The following AFF2 variants were observed in gnomAD, a reference collection of about 807,000 sequenced individuals.
AFF2 encodes AF4/FMR2 family member 2.
AFF2 carries 14 observed loss-of-function variants against 76.9 expected under a neutral mutation model. The observed-to-expected ratio is 0.18, with a 90% CI of 0.12 to 0.28. The LOEUF is 0.28. Among genes scored for constraint, AFF2 ranks in the 10% least tolerant of loss-of-function variants. The pLI, the probability that AFF2 is intolerant of heterozygous loss-of-function variation, is 1.00. For missense variants in AFF2, 868 were observed against 1,001.1 expected, an observed-to-expected ratio of 0.87 and a Z score of 1.79; for synonymous variants, 398 against 366.7, an observed-to-expected ratio of 1.09 and a Z score of -0.98.
intron 3 of AFF2, among the ~76,000 whole-genome samples, chrX:148,663,339 A>G (rs2054326849): frequency 8.9e-6 from 1 of 112,338 alleles, no homozygotes; most frequent in South Asian, 3.7e-4. Context: ...TCCCTTCTGC[A>G]TCTCCTTCCT....
At chrX:148,697,268 G>A (rs1344903776) in intron 3 of AFF2, among the ~76,000 whole-genome samples, 1 of 112,305 alleles carries the variant, frequency 8.9e-6, no homozygotes, top group Non-Finnish European at 1.9e-5. Flanking sequence ...TATGGATGAA[G>A]TTATAATATA....
At chrX:148,949,122 C>G (rs2071935339) in intron 9 of AFF2, among the ~76,000 whole-genome samples, 3 of 110,716 alleles carry the variant, frequency 2.7e-5, no homozygotes, top group South Asian at 7.8e-4. Context: ...TCCCCCCATC[C>G]CCAACCCAGA....
chrX:148,768,313 A>G (rs1231890376), intron 3 of AFF2, among the ~76,000 whole-genome samples: 1 of 109,697 alleles, frequency 9.1e-6, no homozygotes, highest in African/African-American at 3.3e-5. Context: ...CTCGTCACAT[A>G]TGCTTCCTGC....
intron 3 of AFF2, among the ~76,000 whole-genome samples, chrX:148,732,016 C>T (rs1323755117): frequency 3.7e-5 from 2 of 53,465 alleles, no homozygotes; most frequent in Non-Finnish European, 3.0e-5. Context: ...GTCAGTGTGG[C>T]GATTCCTCAG....
intron 3 of AFF2, 53 bp downstream of exon 3, chrX:148,662,821 C>G (rs2054321987): frequency 1.8e-6 from 2 of 1,119,192 alleles, no homozygotes; most frequent in Non-Finnish European, 2.4e-6. Flanking sequence ...GTTCTCTGCT[C>G]TAACCTCTAT....
intron 3 of AFF2, among the ~76,000 whole-genome samples, chrX:148,755,792 A>T (rs1557266848): frequency 9.0e-6 from 1 of 111,162 alleles, no homozygotes; most frequent in Non-Finnish European, 1.9e-5. Flanking sequence ...ATCATATGAG[A>T]TGTTTCATAA....
intron 9 of AFF2, among the ~76,000 whole-genome samples, chrX:148,927,493 G>C (rs192263064): frequency 1.3e-4 from 13 of 103,982 alleles, no homozygotes; most frequent in Middle Eastern, 4.7e-3. Context: ...TTTTTTTTCT[G>C]TCGTACATTC....
intron 1 of AFF2, among the ~76,000 whole-genome samples, chrX:148,637,345 G>C (rs1251302464): frequency 8.9e-6 from 1 of 112,179 alleles, no homozygotes; most frequent in Non-Finnish European, 1.9e-5. Flanking sequence ...GGGGAGAAAT[G>C]AAAATAGAAA....
rs2054054721 is a variant in AFF2, at chrX:148,638,471, C to T, written c.48-13528C>T. On this transcript the variant is annotated intron_variant, in intron 1 of 20. Coordinates refer to ENST00000370460, the MANE Select transcript of AFF2 (RefSeq NM_002025.4). ...AGCCACCCGCATGATCCAATCACCC[C>T]CCAACCAGGTCCTTCCCTTGACACT... Among the ~76,000 whole-genome samples the T allele has an allele frequency of 2.7e-5, 3 of 111,499 alleles. No individual in the cohort carries two copies. The South Asian group carries it at 1.1e-3, about 42-fold the overall frequency.
At chrX:148,871,248 A>G (rs1469760046) in intron 7 of AFF2, among the ~76,000 whole-genome samples, 2 of 111,243 alleles carry the variant, frequency 1.8e-5, no homozygotes, top group Middle Eastern at 4.6e-3. Flanking sequence ...GTGAGTTAAC[A>G]TTTGCCTTAC....
In AFF2 at chrX:148,720,966, T is replaced by A. The variant is rs782433583; in HGVS notation, c.1041+58198T>A. On this transcript the variant is annotated intron_variant, in intron 3 of 20. Coordinates refer to ENST00000370460, the MANE Select transcript of AFF2 (RefSeq NM_002025.4). ...TAGAGATATTTGTCCTCCATAGAGA[T>A]ATGAGATATAGATATTACCTGAACT... is the stretch of plus-strand genomic sequence containing the variant. Among the ~76,000 whole-genome samples, 24 of 111,927 alleles carry A rather than the reference T, an allele frequency of 2.1e-4. No individual in the cohort carries two copies. In the East Asian group the frequency reaches 6.2e-3, roughly 29 times the overall value.
chrX:148,919,834 C>T (rs1482976551), intron 9 of AFF2, among the ~76,000 whole-genome samples: 1 of 112,011 alleles, frequency 8.9e-6, no homozygotes, highest in Non-Finnish European at 1.9e-5. Context: ...CCATATAAGA[C>T]TCTCACTGTG....
chrX:148,978,573 G>A, intron 18 of AFF2, 118 bp downstream of exon 18: 1 of 502,054 alleles, frequency 2.0e-6, no homozygotes, highest in South Asian at 3.7e-5. Flanking sequence ...CCTCCCTGCT[G>A]GCCATGGCCG....
chrX:148,833,614 AAT>A lies in AFF2; in HGVS notation c.1087-4031_1087-4030del, dbSNP rs1273750807. 6.4e-5 allele frequency among the ~76,000 whole-genome samples: 7 copies of A among 109,917 alleles called. No individual in the cohort carries two copies. In the South Asian group the frequency reaches 1.9e-3, roughly 30 times the overall value. Reference sequence around the variant, plus strand: ...GAGACGCTGTCTCAAAAAAAAAAAAAATAAAAAATAAAAAATTAGTAGAACAA... The same window carrying A: ...GAGACGCTGTCTCAAAAAAAAAAAAAAAAAAATAAAAAATTAGTAGAACAA... On this transcript the variant is annotated intron_variant, in intron 4 of 20. Transcript: ENST00000370460.
At chrX:148,789,442 T>C (rs1482319961) in intron 3 of AFF2, among the ~76,000 whole-genome samples, 3 of 111,634 alleles carry the variant, frequency 2.7e-5, no homozygotes, top group African/African-American at 9.8e-5. Flanking sequence ...ACTTGTAAAC[T>C]CATATAACAT....
At chrX:148,603,204 A>G (rs1206043737) in intron 1 of AFF2, among the ~76,000 whole-genome samples, 1 of 111,648 alleles carries the variant, frequency 9.0e-6, no homozygotes, top group Non-Finnish European at 1.9e-5. Context: ...CAAATGTGAA[A>G]TCACTATGTG....
Position 148,695,222 on chromosome X carries a change from G to A in AFF2, c.1041+32454G>A, listed in dbSNP as rs148424545. Among the ~76,000 whole-genome samples the A allele has an allele frequency of 7.0e-3, 784 of 111,761 alleles. 2 individuals are homozygous for A. The highest frequency in any genetic ancestry group is 0.023 in the Middle Eastern group (5 of 217). On this transcript the variant is annotated intron_variant, in intron 3 of 20. Coordinates refer to ENST00000370460, the MANE Select transcript of AFF2 (RefSeq NM_002025.4). ...CAACTTCACCAATAATCTTTTGAGA[G>A]CCTATTAAGTACAAATTGTATTCGT...
Position 148,996,493 on chromosome X carries a change from A to G in AFF2, c.*5161A>G, listed in dbSNP as rs2072601281. 1 of 112,914 alleles carries G rather than the reference A, an allele frequency of 8.9e-6. No individual in the cohort carries two copies. Among genetic ancestry groups the G allele is most frequent in the Non-Finnish European group, 1.9e-5 (1 of 53,428 alleles). The allele number at this position is 112,914 out of a possible 1,213,427, so 9.3% of individuals were successfully genotyped here. A position where few individuals can be genotyped will look rare whatever the true frequency, so the allele number is the denominator to read the frequency against. On this transcript the variant is annotated 3_prime_UTR_variant, in exon 21 of 21. Coordinates refer to ENST00000370460, the MANE Select transcript of AFF2 (RefSeq NM_002025.4). ...TGCAAGCCTGGGCAAAAATGCTTCA[A>G]CACGCCACTGGATGCAGCCAGTCAG...
chrX:148,984,006 G>C, intron 19 of AFF2, among the ~76,000 whole-genome samples: 1 of 88,649 alleles, frequency 1.1e-5, no homozygotes. Flanking sequence ...GAAGGAGAAA[G>C]ATAACAACAA....
Sources: gnomAD v4.1 joint callset for allele counts (sites outside exome capture counted in the v4.1 genomes callset) on GRCh38, gnomAD v4.1.1 for gene constraint, MANE v1.5 for transcripts, NCBI Gene and HGNC (gene_info 2026-07-23, HGNC 2026-07-21) for gene names.